CELF4: variants seen among roughly 807,000 people sequenced by gnomAD.
The protein encoded by CELF4 is CUGBP Elav-like family member 4, also known as CUG-BP- and ETR-3-like factor 4.
CELF4 carries 18 observed loss-of-function variants against 59.9 expected under a neutral mutation model. The observed-to-expected ratio is 0.30, with a 90% CI of 0.21 to 0.45. CELF4 has a LOEUF of 0.45. Among genes scored for constraint, CELF4 ranks in the 20% least tolerant of loss-of-function variants. The pLI is 1.00. For missense variants in CELF4, 456 were observed against 689.0 expected, an observed-to-expected ratio of 0.66 and a Z score of 3.79; for synonymous variants, 261 against 267.1, an observed-to-expected ratio of 0.98 and a Z score of 0.22.
intron 3 of CELF4, among the ~76,000 whole-genome samples, chr18:37,278,159 T>C (rs985805402): frequency 6.6e-6 from 1 of 152,158 alleles, no homozygotes; most frequent in Non-Finnish European, 1.5e-5. Flanking sequence ...CAGTTCTCAG[T>C]TAAGCGCCTC....
At chr18:37,262,895 C>T (rs1413914691) in intron 10 of CELF4, among the ~76,000 whole-genome samples, 1 of 152,148 alleles carries the variant, frequency 6.6e-6, no homozygotes, top group African/African-American at 2.4e-5. Context: ...GCTGCAGCAG[C>T]GTGAGGCAGG....
chr18:37,354,398 C>T (rs764253414), intron 2 of CELF4, among the ~76,000 whole-genome samples: 17 of 151,934 alleles, frequency 1.1e-4, no homozygotes, highest in Non-Finnish European at 2.4e-4. Flanking sequence ...TGGTGGGGGG[C>T]GCAGAGGGCC....
chr18:37,445,036 G>A (rs2099744452), intron 2 of CELF4, among the ~76,000 whole-genome samples: 1 of 152,134 alleles, frequency 6.6e-6, no homozygotes, highest in Non-Finnish European at 1.5e-5. Flanking sequence ...AGGAGGAGGG[G>A]GCATGTAACT....
chr18:37,272,913 C>T, intron 7 of CELF4, 103 bp downstream of exon 7: 1 of 1,198,390 alleles, frequency 8.3e-7, no homozygotes, highest in Non-Finnish European at 1.2e-6. Flanking sequence ...ACACTATGTG[C>T]TTTTGCCACA....
intron 3 of CELF4, among the ~76,000 whole-genome samples, chr18:37,283,908 G>A (rs1003182312): frequency 0.12 from 16 of 128 alleles, no homozygotes; most frequent in African/African-American, 0.25. Flanking sequence ...GGAGGAAGTG[G>A]CAACATACAC....
At chr18:37,259,069 C>T (rs757929431) in intron 11 of CELF4, 112 bp downstream of exon 11, 112 of 1,546,416 alleles carry the variant, frequency 7.2e-5, no homozygotes, top group Middle Eastern at 1.7e-4. Context: ...TAGGTTGGTG[C>T]GAGCACCGCC....
At chr18:37,346,697 G>A (rs1271354298) in intron 2 of CELF4, among the ~76,000 whole-genome samples, 3 of 152,184 alleles carry the variant, frequency 2.0e-5, no homozygotes, top group African/African-American at 7.2e-5. Context: ...CTCGGGATTG[G>A]AGTCAGTTTG....
intron 2 of CELF4, among the ~76,000 whole-genome samples, chr18:37,393,641 G>A (rs1317545277): frequency 6.6e-6 from 1 of 152,180 alleles, no homozygotes; most frequent in Non-Finnish European, 1.5e-5. Context: ...GGAGGTGTGG[G>A]CTACACTGGG....
intron 2 of CELF4, among the ~76,000 whole-genome samples, chr18:37,353,448 G>A (rs1183943379): frequency 1.3e-5 from 2 of 151,422 alleles, no homozygotes; most frequent in African/African-American, 2.4e-5. Context: ...GGGGGAAGGG[G>A]AGGTTGGTGT....
intron 1 of CELF4, among the ~76,000 whole-genome samples, chr18:37,535,576 G>A (rs1474582695): frequency 1.3e-5 from 2 of 152,146 alleles, no homozygotes; most frequent in East Asian, 3.9e-4. Flanking sequence ...CATGGTACAC[G>A]CTCCCCTGTG....
chr18:37,321,614 C>G (rs182425629), intron 3 of CELF4, among the ~76,000 whole-genome samples, 189 bp downstream of exon 3: 8 of 152,334 alleles, frequency 5.3e-5, no homozygotes, highest in South Asian at 2.1e-4. Context: ...CCAAACACCC[C>G]CCTTCCCTCC....
intron 3 of CELF4, among the ~76,000 whole-genome samples, chr18:37,306,495 G>A (rs2096410576): frequency 6.6e-6 from 1 of 152,228 alleles, no homozygotes; most frequent in Non-Finnish European, 1.5e-5. Flanking sequence ...CAAATTCAGA[G>A]TGCTTTGACT....
At position 37,245,724 on chromosome 18, in the gene CELF4, G is replaced by A. The variant is rs2061819775; in HGVS notation, c.*45-527C>T. On this transcript the variant is annotated intron_variant, in intron 12 of 12. Coordinates refer to ENST00000420428, the MANE Select transcript of CELF4 (RefSeq NM_020180.4). The surrounding 1 kb of genome is among the most constrained non-coding windows in gnomAD (Gnocchi z 4.1). ...TCCAGCCAACCACTTCTTTCCCGGG[G>A]TCAGTAACTATTTGCGAGGCTGTGT... 6.6e-6 allele frequency among the ~76,000 whole-genome samples: 1 copy of A among 152,082 alleles called. No individual in the cohort carries two copies. The highest frequency in any genetic ancestry group is 6.6e-5 in the Admixed American group (1 of 15,262).
chr18:37,393,085 CTGCGGTGTGT>C (rs2099185418), intron 2 of CELF4, among the ~76,000 whole-genome samples: 4 of 151,352 alleles, frequency 2.6e-5, no homozygotes, highest in Admixed American at 2.6e-4. Context: ...GACACAGGGA[CTGCGGTGTGT>C]TAGAGAGACA....
intron 1 of CELF4, among the ~76,000 whole-genome samples, chr18:37,493,489 A>G (rs984636485): frequency 6.6e-6 from 1 of 152,172 alleles, no homozygotes. Flanking sequence ...GCTGAGCTCC[A>G]TTCTGCCTCT....
chr18:37,426,328 G>A (rs2099612265), intron 2 of CELF4, among the ~76,000 whole-genome samples: 1 of 152,190 alleles, frequency 6.6e-6, no homozygotes. Context: ...TAAAAAGAGA[G>A]CATTGACCTG....
intron 3 of CELF4, among the ~76,000 whole-genome samples, chr18:37,318,674 A>G (rs2096961958): frequency 7.2e-6 from 1 of 138,546 alleles, no homozygotes; most frequent in African/African-American, 2.6e-5. Flanking sequence ...AAAAGAGCTG[A>G]GTAATCTGGT....
chr18:37,379,776 G>C (rs542752144), intron 2 of CELF4, among the ~76,000 whole-genome samples: 1 of 152,270 alleles, frequency 6.6e-6, no homozygotes, highest in African/African-American at 2.4e-5. Context: ...AGGTTCTCCT[G>C]AGAGTGCTTG....
intron 2 of CELF4, among the ~76,000 whole-genome samples, chr18:37,450,445 A>C (rs2099760063): frequency 6.8e-6 from 1 of 146,174 alleles, no homozygotes; most frequent in East Asian, 2.0e-4. Context: ...TCTTTCTCTC[A>C]GAACAGGAAG....
Sources: gnomAD v4.1 joint callset for allele counts (sites outside exome capture counted in the v4.1 genomes callset) on GRCh38, gnomAD v4.1.1 for gene constraint, Gnocchi (gnomAD v3.1) non-coding constraint, MANE v1.5 for transcripts, NCBI Gene and HGNC (gene_info 2026-07-23, HGNC 2026-07-21) for gene names.